Variants in SCFD2 observed in about 807,000 individuals in gnomAD.
SCFD2 encodes the protein sec1 family domain containing 2.
A neutral mutation model predicts 58.9 loss-of-function variants in SCFD2; 54 were observed. That is an observed-to-expected ratio of 0.92 (90% CI 0.74 to 1.15). SCFD2 has a LOEUF of 1.15. SCFD2 is among the 50% of genes most tolerant of loss of function. SCFD2 has a pLI of 0.00. For synonymous variants in SCFD2, 321 were observed against 335.9 expected (o/e 0.96, Z 0.49); for missense variants, 805 against 836.6 (o/e 0.96, Z 0.47).
In SCFD2 at chr4:52,940,399, C is replaced by A. The variant is rs1008797848; in HGVS notation, c.1562-19529G>T. Among the ~76,000 whole-genome samples the A allele has an allele frequency of 2.6e-5, 4 of 152,286 alleles. No homozygotes were observed. The South Asian group carries it at 8.3e-4, about 32-fold the overall frequency. On this transcript the variant is annotated intron_variant, in intron 5 of 8. Transcript: ENST00000401642. Reference sequence around the variant, plus strand: ...AAATGGCTCTCCTGAGTGGAAATGTCAGAGTAGGGGCTGCTAGGTCACAAT... The same window carrying A: ...AAATGGCTCTCCTGAGTGGAAATGTAAGAGTAGGGGCTGCTAGGTCACAAT...
intron 3 of SCFD2, among the ~76,000 whole-genome samples, chr4:53,295,706 T>C (rs892618097): frequency 3.9e-5 from 6 of 152,216 alleles, no homozygotes; most frequent in Non-Finnish European, 7.3e-5. Context: ...GGCATACTTG[T>C]CTTGTGTTGG....
chr4:53,072,398 C>A (rs1056582941), intron 5 of SCFD2, among the ~76,000 whole-genome samples: 14 of 151,992 alleles, frequency 9.2e-5, no homozygotes, highest in African/African-American at 3.4e-4. Flanking sequence ...AGATAAGCAA[C>A]CTGGAAGCTT....
At chr4:53,016,810 A>T (rs1577661840) in intron 5 of SCFD2, among the ~76,000 whole-genome samples, 1 of 152,170 alleles carries the variant, frequency 6.6e-6, no homozygotes, top group Admixed American at 6.5e-5. Context: ...CAGGACATTT[A>T]AAAATGATCA....
chr4:52,967,030 C>G (rs574368063), intron 5 of SCFD2, among the ~76,000 whole-genome samples: 1 of 152,200 alleles, frequency 6.6e-6, no homozygotes, highest in Non-Finnish European at 1.5e-5. Flanking sequence ...CTGGCAAACA[C>G]CATCCATTTT....
At chr4:52,966,425 G>T (rs1720964425) in intron 5 of SCFD2, among the ~76,000 whole-genome samples, 1 of 152,102 alleles carries the variant, frequency 6.6e-6, no homozygotes, top group South Asian at 2.1e-4. Flanking sequence ...TGATTCCTCG[G>T]ATTCTTTAAA....
intron 4 of SCFD2, among the ~76,000 whole-genome samples, chr4:53,239,720 G>A (rs1729830599): frequency 6.6e-6 from 1 of 152,120 alleles, no homozygotes; most frequent in African/African-American, 2.4e-5. Flanking sequence ...CTGACCTCAG[G>A]TGATCCCAGC....
intron 5 of SCFD2, among the ~76,000 whole-genome samples, chr4:53,091,506 C>G (rs542275596): frequency 6.6e-6 from 1 of 152,190 alleles, no homozygotes; most frequent in African/African-American, 2.4e-5. Context: ...TCCAGTAATT[C>G]AGAATCTAGA....
At chr4:52,903,952 A>G (rs1719284610) in intron 7 of SCFD2, among the ~76,000 whole-genome samples, 1 of 152,216 alleles carries the variant, frequency 6.6e-6, no homozygotes. Flanking sequence ...CTACAAAAGT[A>G]TGAACAAAAT....
chr4:53,295,103 G>A (rs1485024227), intron 3 of SCFD2, among the ~76,000 whole-genome samples: 1 of 152,132 alleles, frequency 6.6e-6, no homozygotes, highest in Non-Finnish European at 1.5e-5. Context: ...TTTTGCTTAG[G>A]ATTGTCTTGG....
chr4:53,079,301 T>C (rs1724073112), intron 5 of SCFD2, among the ~76,000 whole-genome samples: 1 of 152,278 alleles, frequency 6.6e-6, no homozygotes. Context: ...CTCAGGCCCT[T>C]GAAAGACAGT....
At chr4:53,162,682 C>T (rs1339686894) in intron 4 of SCFD2, among the ~76,000 whole-genome samples, 3 of 151,002 alleles carry the variant, frequency 2.0e-5, no homozygotes, top group African/African-American at 7.3e-5. Flanking sequence ...GGGAACGTCA[C>T]ACTCTGGGGA....
chr4:53,201,632 G>A (rs1449567971), intron 4 of SCFD2, among the ~76,000 whole-genome samples: 6 of 152,070 alleles, frequency 3.9e-5, no homozygotes, highest in African/African-American at 1.2e-4. Flanking sequence ...CTAGTTTACA[G>A]TCCCACCAAC....
intron 5 of SCFD2, among the ~76,000 whole-genome samples, chr4:53,108,594 C>T (rs546850633): frequency 4.6e-5 from 7 of 152,182 alleles, no homozygotes; most frequent in African/African-American, 1.7e-4. Flanking sequence ...AACACCTCTA[C>T]ACAAATAAAC....
At chr4:53,123,483 G>A (rs1462443705) in intron 5 of SCFD2, among the ~76,000 whole-genome samples, 1 of 133,618 alleles carries the variant, frequency 7.5e-6, no homozygotes, top group Non-Finnish European at 1.6e-5. Flanking sequence ...TGAGGGAGCA[G>A]CCAAACCAGT....
At chr4:53,261,732 A>G (rs1730834185) in intron 4 of SCFD2, among the ~76,000 whole-genome samples, 1 of 152,142 alleles carries the variant, frequency 6.6e-6, no homozygotes, top group Admixed American at 6.5e-5. Context: ...AATATCTGTT[A>G]AGTCCATTTG....
At chr4:53,085,874 T>A (rs1724289433) in intron 5 of SCFD2, among the ~76,000 whole-genome samples, 1 of 152,130 alleles carries the variant, frequency 6.6e-6, no homozygotes, top group South Asian at 2.1e-4. Flanking sequence ...TCTCGTCATA[T>A]GCAAAAATCA....
chr4:53,190,098 T>C (rs79603020), intron 4 of SCFD2, among the ~76,000 whole-genome samples: 2,868 of 152,314 alleles, frequency 0.019, 67 homozygotes, highest in Admixed American at 0.074. Flanking sequence ...ATTCCAATAT[T>C]TAACTGATCT....
intron 4 of SCFD2, among the ~76,000 whole-genome samples, chr4:53,176,949 A>C (rs1191872472): frequency 1.5e-3 from 1 of 652 alleles, no homozygotes; most frequent in Admixed American, 0.05. Flanking sequence ...AACAATCTCA[A>C]AAAAAAAAAA....
At chr4:53,018,674 G>T (rs907224075) in intron 5 of SCFD2, among the ~76,000 whole-genome samples, 1 of 152,134 alleles carries the variant, frequency 6.6e-6, no homozygotes, top group African/African-American at 2.4e-5. Flanking sequence ...CTGGGAAAGA[G>T]ACCCAGCATA....
Sources: gnomAD v4.1 joint callset for allele counts (sites outside exome capture counted in the v4.1 genomes callset) on GRCh38, gnomAD v4.1.1 for gene constraint, MANE v1.5 for transcripts, NCBI Gene and HGNC (gene_info 2026-07-23, HGNC 2026-07-21) for gene names.